GRM1: variants seen among roughly 807,000 people sequenced by gnomAD.
GRM1 encodes the protein metabotropic glutamate receptor 1.
A neutral mutation model predicts 90.9 loss-of-function variants in GRM1; 33 were observed. The ratio of observed to expected loss-of-function variants is 0.36; its 90% confidence interval spans 0.28 to 0.49. The LOEUF is 0.49. Among genes scored for constraint, GRM1 ranks in the 20% least tolerant of loss-of-function variants. GRM1 has a pLI of 0.99. For synonymous variants in GRM1, 700 were observed against 613.2 expected (o/e 1.14, Z -2.09); for missense variants, 1,190 against 1,534.3 (o/e 0.78, Z 3.75).
At chr6:146,051,487 C>T (rs1425060894) in intron 1 of GRM1, among the ~76,000 whole-genome samples, 1 of 152,036 alleles carries the variant, frequency 6.6e-6, no homozygotes, top group East Asian at 1.9e-4. Context: ...AGACTGAGAG[C>T]CTCTTAGGCA....
Position 146,434,555 on chromosome 6 carries a change from G to T in GRM1, c.3344G>T (p.Arg1115Leu). The T allele has an allele frequency of 6.2e-7, 1 of 1,614,082 alleles. No individual in the cohort carries two copies. The highest frequency in any genetic ancestry group is 8.5e-7 in the Non-Finnish European group (1 of 1,180,018). ...LLQEYVYEHE[R>L]EGNTEEDELE... ...CAGGAGTACGTGTATGAGCACGAGC[G>T]GGAAGGGAACACGGAAGAAGACGAA... Residue 1115 changes from arginine to leucine, a missense_variant, in exon 8 of 8, where the codon CGG (arginine) becomes CTG (leucine). By Grantham distance (102) the Arg-to-Leu change is moderately radical. Around this residue, in one of 10 missense-constraint regions of GRM1, gnomAD observed 400 missense variants for 360.8 expected, o/e 1.11. Coordinates refer to ENST00000282753, the MANE Select transcript of GRM1 (RefSeq NM_001278064.2).
chr6:146,197,303 G>T (rs768482171), intron 2 of GRM1, among the ~76,000 whole-genome samples: 14 of 152,204 alleles, frequency 9.2e-5, no homozygotes, highest in Non-Finnish European at 1.8e-4. Flanking sequence ...CAAAACTTGA[G>T]ATTAGACAAA....
At chr6:146,391,866 A>G (rs1583431204) in intron 6 of GRM1, among the ~76,000 whole-genome samples, 2 of 152,258 alleles carry the variant, frequency 1.3e-5, no homozygotes, top group African/African-American at 4.8e-5. Context: ...TAAAGCAATC[A>G]TAGTAGAATT....
At chr6:146,061,458 T>C (rs927116032) in intron 1 of GRM1, among the ~76,000 whole-genome samples, 2 of 152,026 alleles carry the variant, frequency 1.3e-5, no homozygotes, top group African/African-American at 2.4e-5. Context: ...TAAGCCAAAA[T>C]TGACAAATGG....
intron 2 of GRM1, among the ~76,000 whole-genome samples, chr6:146,276,368 T>G (rs1309956834): frequency 6.6e-6 from 1 of 152,212 alleles, no homozygotes; most frequent in African/African-American, 2.4e-5. Flanking sequence ...AATCTAAAAA[T>G]TTCATTCCAG....
In GRM1 at chr6:146,434,496, C is replaced by G; in HGVS notation, c.3285C>G (p.Asp1095Glu). Reference protein sequence around the residue: ...FGEELVSPPADDDDDSERFKL... With the variant: ...FGEELVSPPAEDDDDSERFKL... Reference sequence around the variant, plus strand: ...AGGAGCTGGTCTCCCCGCCCGCGGACGACGACGACGACAGCGAGAGGTTTA... The same window carrying G: ...AGGAGCTGGTCTCCCCGCCCGCGGAGGACGACGACGACAGCGAGAGGTTTA... The change falls in exon 8 of 8, where the codon GAC becomes GAG. Residue 1095 changes from aspartate to glutamate, a missense_variant. Around this residue, in one of 10 missense-constraint regions of GRM1, gnomAD observed 400 missense variants for 360.8 expected, o/e 1.11. Transcript: ENST00000282753. 1.2e-6 allele frequency: 2 copies of G among 1,613,070 alleles called. No homozygotes were observed. The highest frequency in any genetic ancestry group is 1.7e-5 in the Admixed American group (1 of 60,016).
At chr6:146,041,872 A>G (rs935528559) in intron 1 of GRM1, among the ~76,000 whole-genome samples, 1 of 151,978 alleles carries the variant, frequency 6.6e-6, no homozygotes, top group African/African-American at 2.4e-5. Flanking sequence ...TATAAATAAT[A>G]GAAATTTATT....
intron 1 of GRM1, among the ~76,000 whole-genome samples, chr6:146,144,797 C>G (rs1206433144): frequency 6.6e-6 from 1 of 152,054 alleles, no homozygotes; most frequent in Non-Finnish European, 1.5e-5. Context: ...GCTTAGAAGA[C>G]AAGAAGATGG....
chr6:146,231,861 G>A (rs562282845), intron 2 of GRM1, among the ~76,000 whole-genome samples: 16,292 of 151,786 alleles, frequency 0.11, 1,669 homozygotes, highest in African/African-American at 0.27. Flanking sequence ...GAGGGAAATA[G>A]GTCTGAAATT....
chr6:146,345,022 G>C (rs944888690), intron 3 of GRM1, among the ~76,000 whole-genome samples: 8 of 152,044 alleles, frequency 5.3e-5, no homozygotes, highest in African/African-American at 1.9e-4. Context: ...TGTTGGTCAG[G>C]CTGGTCTCAA....
chr6:146,248,802 T>C (rs765999750), intron 2 of GRM1, among the ~76,000 whole-genome samples: 1 of 152,206 alleles, frequency 6.6e-6, no homozygotes, highest in Non-Finnish European at 1.5e-5. Flanking sequence ...ACTTGTTGAA[T>C]GGTTTTGACC....
Position 146,434,742 on chromosome 6 carries a change from A to G in GRM1, c.3531A>G (p.Val1177=). Residue 1177 remains valine (V), a synonymous_variant, in exon 8 of 8, where the codon GTA becomes GTG. Transcript: ENST00000282753. The part of the protein sequence containing the change: ...SESVLCTPPN[V]SYASVILRDY... Reference sequence around the variant, plus strand: ...CGGTGCTCTGCACCCCTCCCAACGTATCCTACGCCTCTGTCATTCTGCGGG... The same window carrying G: ...CGGTGCTCTGCACCCCTCCCAACGTGTCCTACGCCTCTGTCATTCTGCGGG... The G allele has an allele frequency of 6.2e-7, 1 of 1,600,502 alleles. No homozygotes were observed. Among genetic ancestry groups the G allele is most frequent in the Non-Finnish European group, 8.5e-7 (1 of 1,179,928 alleles).
chr6:146,118,937 A>G (rs1775870187), intron 1 of GRM1, among the ~76,000 whole-genome samples: 2 of 152,292 alleles, frequency 1.3e-5, no homozygotes, highest in South Asian at 4.2e-4. Flanking sequence ...ATGATTTATA[A>G]TCCTTTGGGT....
At chr6:146,327,373 G>T (rs1784430307) in intron 3 of GRM1, among the ~76,000 whole-genome samples, 1 of 152,134 alleles carries the variant, frequency 6.6e-6, no homozygotes, top group African/African-American at 2.4e-5. Context: ...CAACAAATAT[G>T]ACCCTGAACC....
chr6:146,138,424 C>T (rs1776709034), intron 1 of GRM1, among the ~76,000 whole-genome samples: 1 of 151,500 alleles, frequency 6.6e-6, no homozygotes, highest in Non-Finnish European at 1.5e-5. Context: ...CCCTCCTCCT[C>T]TATTTTTTGT....
At chr6:146,176,156 G>A (rs1369603755) in intron 2 of GRM1, among the ~76,000 whole-genome samples, 2 of 152,004 alleles carry the variant, frequency 1.3e-5, no homozygotes, top group African/African-American at 4.8e-5. Flanking sequence ...GTCCAGTTCA[G>A]TACCTGATAC....
chr6:146,095,725 G>A (rs1052769656), intron 1 of GRM1, among the ~76,000 whole-genome samples: 1 of 152,136 alleles, frequency 6.6e-6, no homozygotes, highest in African/African-American at 2.4e-5. Context: ...TTGGATGAAT[G>A]ATGAGCTGCA....
At chr6:146,251,917 A>G (rs1315733157) in intron 2 of GRM1, among the ~76,000 whole-genome samples, 2 of 152,050 alleles carry the variant, frequency 1.3e-5, no homozygotes, top group African/African-American at 4.8e-5. Context: ...GCTCTTCCTC[A>G]TATATTTCCA....
At chr6:146,179,446 C>T (rs1778458568) in intron 2 of GRM1, among the ~76,000 whole-genome samples, 1 of 152,158 alleles carries the variant, frequency 6.6e-6, no homozygotes, top group South Asian at 2.1e-4. Flanking sequence ...AATTAAAGGA[C>T]AGTGTGCCTG....
Sources: allele counts gnomAD v4.1 joint callset (sites outside exome capture counted in the v4.1 genomes callset), GRCh38; gene constraint gnomAD v4.1.1; regional missense constraint gnomAD v4.1.1; transcripts MANE v1.5; gene names NCBI Gene and HGNC (gene_info 2026-07-23, HGNC 2026-07-21).